The following DEPDC5 variants were observed in gnomAD, a reference collection of about 807,000 sequenced individuals.
DEPDC5 encodes the protein GATOR1 complex protein DEPDC5.
A neutral mutation model predicts 217.3 loss-of-function variants in DEPDC5; 73 were observed. The observed-to-expected ratio is 0.34, with a 90% CI of 0.28 to 0.41. The LOEUF (loss-of-function observed/expected upper bound fraction) is 0.41. DEPDC5 is among the 10% of genes least tolerant of loss of function. The pLI is 1.00. For missense variants in DEPDC5, 1,675 were observed against 2,070.1 expected (o/e 0.81, Z 3.70); for synonymous variants, 733 against 756.7 (o/e 0.97, Z 0.51).
intron 24 of DEPDC5, 50 bp from the exon 25 acceptor site, chr22:31,833,865 C>G (rs1428223156): frequency 6.9e-7 from 1 of 1,459,192 alleles, no homozygotes; most frequent in Non-Finnish European, 9.2e-7. Flanking sequence ...GGTCAGAACT[C>G]TTTTGCAGAG....
At chr22:31,846,015 T>A (rs1427987856) in intron 30 of DEPDC5, among the ~76,000 whole-genome samples, 1 of 152,112 alleles carries the variant, frequency 6.6e-6, no homozygotes, top group Non-Finnish European at 1.5e-5. Flanking sequence ...ATTTTTTGTA[T>A]TTTTTGTAGA....
rs16989498 is a variant in DEPDC5 at position 31,802,487 on chromosome 22, G to A, written c.947-217G>A. Among the ~76,000 whole-genome samples, 8,244 of 152,172 alleles carry A rather than the reference G, an allele frequency of 0.054. 281 individuals are homozygous for A. Among genetic ancestry groups the A allele is most frequent in the African/African-American group, 0.089 (3,682 of 41,528 alleles). On this transcript the variant is annotated intron_variant, in intron 14 of 42. Transcript: ENST00000651528. ...CACAGGGCAAGTATGAGGTGTCAAT[G>A]AGGGGTATTAACAAAGGTGACAGCG...
rs1280310409 is a variant in DEPDC5, at chr22:31,758,597, A to G, written c.110A>G (p.Asp37Gly). The G allele has an allele frequency of 8.7e-6, 14 of 1,613,974 alleles. No individual in the cohort carries two copies. Among genetic ancestry groups the G allele is most frequent in the Non-Finnish European group, 1.1e-5 (13 of 1,180,016 alleles). ...PKVFPHIKLG[D>G]IVEIAHPNDE... ...GTGTTCCCTCACATCAAGCTTGGAG[A>G]CATTGTAGAGATTGCACACCCCAAC... The change falls in exon 3 of 43, where the codon GAC becomes GGC. Residue 37 changes from aspartate (D) to glycine (G), a missense_variant. By Grantham distance (94) the Asp-to-Gly change is moderately conservative. This residue lies in a region of DEPDC5 where 628 missense variants were observed against 762.1 expected (regional missense o/e 0.82). Transcript: ENST00000651528.
At chr22:31,761,334 C>T (rs1702975893) in intron 4 of DEPDC5, among the ~76,000 whole-genome samples, 1 of 152,046 alleles carries the variant, frequency 6.6e-6, no homozygotes, top group Admixed American at 6.6e-5. Context: ...TTTTTGGAGT[C>T]CCAAGTGTCT....
intron 8 of DEPDC5, among the ~76,000 whole-genome samples, chr22:31,780,548 T>A (rs1275005327): frequency 6.6e-6 from 1 of 152,136 alleles, no homozygotes; most frequent in Non-Finnish European, 1.5e-5. Flanking sequence ...ACATGCCACC[T>A]TCTCTCTTGC....
In DEPDC5 at chr22:31,906,267, C is replaced by T; in HGVS notation, c.4582C>T (p.Arg1528Trp). ...GTTCTCAGGGCAGCAGCGGCGGCGGCGGAACTCCACCAGCTCCACCAACCA... is the reference window on the plus strand; with the variant it reads ...GTTCTCAGGGCAGCAGCGGCGGCGGTGGAACTCCACCAGCTCCACCAACCA... The part of the protein sequence containing the change: ...RKFSGQQRRR[R>W]NSTSSTNQNM... The change falls in exon 43 of 43, where the codon CGG becomes TGG. Residue 1528 changes from arginine to tryptophan, a missense_variant. Transcript: ENST00000651528. The surrounding 1 kb of genome is among the most constrained non-coding windows in gnomAD (Gnocchi z 5.1). 2 of 1,613,866 alleles carry T rather than the reference C, an allele frequency of 1.2e-6. No homozygotes were observed. The highest frequency in any genetic ancestry group is 1.7e-6 in the Non-Finnish European group (2 of 1,179,930).
intron 10 of DEPDC5, 182 bp downstream of exon 10, chr22:31,785,057 T>C: frequency 3.7e-6 from 2 of 545,978 alleles, no homozygotes; most frequent in Non-Finnish European, 3.2e-6. Context: ...AAAGCTAACA[T>C]CACACTCAAT....
chr22:31,801,617 G>T (rs2086877040), intron 14 of DEPDC5, among the ~76,000 whole-genome samples: 1 of 152,176 alleles, frequency 6.6e-6, no homozygotes, highest in South Asian at 2.1e-4. Flanking sequence ...AGTGGCTCTG[G>T]GAACCATAGC....
At chr22:31,771,781 A>ACACACACACC (rs2083390706) in intron 7 of DEPDC5, among the ~76,000 whole-genome samples, 1 of 140,702 alleles carries the variant, frequency 7.1e-6, no homozygotes, top group Non-Finnish European at 1.5e-5. Flanking sequence ...ACACACACAC[A>ACACACACACC]GTTAGGACTA....
At chr22:31,821,159 C>T (rs1467738911) in intron 22 of DEPDC5, among the ~76,000 whole-genome samples, 1 of 152,248 alleles carries the variant, frequency 6.6e-6, no homozygotes, top group African/African-American at 2.4e-5. Flanking sequence ...TGGTGTTTCA[C>T]TTGTATTTCC....
At chr22:31,902,526 C>G (rs1272223827) in intron 41 of DEPDC5, among the ~76,000 whole-genome samples, 2 of 151,332 alleles carry the variant, frequency 1.3e-5, no homozygotes, top group Non-Finnish European at 2.9e-5. Context: ...TAAGGTCTAC[C>G]CCTTCACAGA....
chr22:31,776,312 A>T (rs563788361), intron 7 of DEPDC5, among the ~76,000 whole-genome samples: 1 of 151,828 alleles, frequency 6.6e-6, no homozygotes, highest in Non-Finnish European at 1.5e-5. Flanking sequence ...GGGTCTCACT[A>T]TGCTACCTAG....
At chr22:31,797,563 C>G (rs772564398) in intron 12 of DEPDC5, 37 bp from the exon 13 acceptor site, 1 of 1,547,222 alleles carries the variant, frequency 6.5e-7, no homozygotes, top group South Asian at 1.1e-5. Flanking sequence ...ACCATATCAG[C>G]TGCTCAATAT....
At chr22:31,826,479 G>A (rs1337651329) in intron 24 of DEPDC5, 1 of 432,192 alleles carries the variant, frequency 2.3e-6, no homozygotes, top group Non-Finnish European at 4.6e-6. Flanking sequence ...CCTTTGCATA[G>A]ATAGGTTCCT....
chr22:31,806,810 G>A (rs1042929617), intron 18 of DEPDC5, among the ~76,000 whole-genome samples: 3 of 152,098 alleles, frequency 2.0e-5, no homozygotes, highest in African/African-American at 4.8e-5. Flanking sequence ...GTTTGAGACC[G>A]ATCTGGGCAA....
chr22:31,819,327 C>T, intron 22 of DEPDC5, 102 bp downstream of exon 22: 1 of 1,270,864 alleles, frequency 7.9e-7, no homozygotes, highest in Non-Finnish European at 1.1e-6. Context: ...TCTGTTGCTC[C>T]ACCTGTAAGA....
chr22:31,873,138 A>G (rs1361072840), intron 34 of DEPDC5, 117 bp from the exon 35 acceptor site: 2 of 1,570,544 alleles, frequency 1.3e-6, no homozygotes, highest in Non-Finnish European at 1.7e-6. Context: ...AAATGCCTTT[A>G]GTGTCAACAT....
chr22:31,902,408 T>TTTTATATATATATATATATA (rs1491391820), intron 41 of DEPDC5, among the ~76,000 whole-genome samples: 2 of 111,948 alleles, frequency 1.8e-5, no homozygotes, highest in Non-Finnish European at 3.6e-5. Context: ...CATCTCCTTA[T>TTTTATATATATATATATATA]TATATATATA....
At chr22:31,765,354 A>T (rs899856418) in intron 5 of DEPDC5, among the ~76,000 whole-genome samples, 1 of 152,020 alleles carries the variant, frequency 6.6e-6, no homozygotes, top group African/African-American at 2.4e-5. Context: ...CAGTGGCGTG[A>T]TCTCGGCTCA....
Sources: gnomAD v4.1 joint callset for allele counts (sites outside exome capture counted in the v4.1 genomes callset) on GRCh38, gnomAD v4.1.1 for gene constraint, gnomAD v4.1.1 regional missense constraint, Gnocchi (gnomAD v3.1) non-coding constraint, MANE v1.5 for transcripts, NCBI Gene and HGNC (gene_info 2026-07-23, HGNC 2026-07-21) for gene names.